Variants in ANK1 observed in about 807,000 individuals in gnomAD.
ANK1 encodes the protein ankyrin 1, also known as ankyrin-1.
Under a neutral mutation model 210.4 loss-of-function variants are expected in ANK1, and 51 were observed. The observed-to-expected ratio is 0.24, with a 90% CI of 0.19 to 0.31. The LOEUF is 0.31. Ranked by LOEUF, ANK1 falls within the 10% of genes least tolerant of loss-of-function variation. ANK1 has a pLI of 1.00. For missense variants in ANK1, 2,051 were observed against 2,504.4 expected (o/e 0.82, Z 3.86); for synonymous variants, 967 against 1,025.9 (o/e 0.94, Z 1.10).
intron 1 of ANK1, among the ~76,000 whole-genome samples, chr8:41,792,441 C>T (rs1847935541): frequency 6.6e-6 from 1 of 152,342 alleles, no homozygotes; most frequent in Non-Finnish European, 1.5e-5. Context: ...CCAAAGCTCA[C>T]GATCTGGGCA....
intron 1 of ANK1, among the ~76,000 whole-genome samples, chr8:41,883,630 T>C (rs963508039): frequency 6.6e-6 from 1 of 152,104 alleles, no homozygotes; most frequent in Non-Finnish European, 1.5e-5. Flanking sequence ...TGGCTAATTT[T>C]TAAATTTTTT....
Position 41,701,008 on chromosome 8 carries a change from A to G in ANK1, c.2461+542T>C, listed in dbSNP as rs959158758. On this transcript the variant is annotated intron_variant, in intron 22 of 42. Transcript: ENST00000289734. ...GGTCTTGAACTCCTAGCCTCAAGCA[A>G]TCCTCCAACCTCGGCTGCCCAAAGT... Among the ~76,000 whole-genome samples the G allele has an allele frequency of 2.6e-5, 4 of 152,182 alleles. No individual in the cohort carries two copies. In the East Asian group the frequency reaches 5.8e-4, roughly 22 times the overall value.
At chr8:41,896,469 C>A (rs1461240916) in exon 1 of ANK1, 2 of 1,602,086 alleles carry the variant, frequency 1.2e-6, no homozygotes, top group Non-Finnish European at 8.5e-7. Context: ...GCTGTTTGGC[C>A]GCTTGAGCCA....
intron 1 of ANK1, among the ~76,000 whole-genome samples, chr8:41,855,186 T>C (rs1159786264): frequency 6.6e-6 from 1 of 152,110 alleles, no homozygotes; most frequent in Non-Finnish European, 1.5e-5. Context: ...GACAGGTAGA[T>C]AGATAGATAG....
At chr8:41,682,792 C>A (rs1816484299) in intron 37 of ANK1, among the ~76,000 whole-genome samples, 1 of 152,218 alleles carries the variant, frequency 6.6e-6, no homozygotes, top group South Asian at 2.1e-4. Flanking sequence ...CAAAAGCGTG[C>A]CCCTCTGACT....
chr8:41,665,094 T>C (rs1050947117), intron 39 of ANK1: 17 of 1,584,136 alleles, frequency 1.1e-5, no homozygotes, highest in Middle Eastern at 1.7e-4. Flanking sequence ...TGCCTCTCAT[T>C]CTCCACTGGG....
At chr8:41,848,724 C>G (rs1292934890) in intron 1 of ANK1, among the ~76,000 whole-genome samples, 1 of 152,244 alleles carries the variant, frequency 6.6e-6, no homozygotes, top group Non-Finnish European at 1.5e-5. Context: ...CAGGTCTGGA[C>G]AGCTGAATTT....
At chr8:41,777,269 C>T (rs1460934387) in intron 1 of ANK1, among the ~76,000 whole-genome samples, 2 of 152,110 alleles carry the variant, frequency 1.3e-5, no homozygotes, top group Non-Finnish European at 2.9e-5. Flanking sequence ...AAAGCCTTGG[C>T]TTCATGTCTT....
intron 1 of ANK1, among the ~76,000 whole-genome samples, chr8:41,806,036 T>TAC (rs1175095733): frequency 3.3e-5 from 5 of 152,258 alleles, no homozygotes; most frequent in Non-Finnish European, 5.9e-5. Flanking sequence ...TCATATCCTT[T>TAC]ACACTTGCAA....
chr8:41,844,890 T>C (rs1313217104), intron 1 of ANK1, among the ~76,000 whole-genome samples: 1 of 152,084 alleles, frequency 6.6e-6, no homozygotes, highest in African/African-American at 2.4e-5. Context: ...GGAAGACAGA[T>C]GAGCAGGAGC....
At position 41,654,914 on chromosome 8, in the gene ANK1, G is replaced by C. The variant is rs1805172784; in HGVS notation, c.*876C>G. On this transcript the variant is annotated 3_prime_UTR_variant, in exon 43 of 43. Transcript: ENST00000289734. Reference sequence around the variant, plus strand: ...GTCCTGGCTCCCTTTGAGTCCTACAGGTAAGCCTGGGGGTCCTCGCCTCAG... The same window carrying C: ...GTCCTGGCTCCCTTTGAGTCCTACACGTAAGCCTGGGGGTCCTCGCCTCAG... 6.6e-6 allele frequency: 1 copy of C among 152,590 alleles called. No individual in the cohort carries two copies. The highest frequency in any genetic ancestry group is 2.1e-4 in the South Asian group (1 of 4,834). The allele number at this position is 152,590 out of a possible 1,614,324, so 9.5% of individuals were successfully genotyped here.
intron 38 of ANK1, 64 bp downstream of exon 38, chr8:41,672,290 G>C (rs1812655866): frequency 3.8e-6 from 6 of 1,566,710 alleles, no homozygotes; most frequent in Non-Finnish European, 5.2e-6. Flanking sequence ...TCACTGCCAG[G>C]CATAATCTTA....
At chr8:41,764,142 A>G (rs915811229) in intron 1 of ANK1, among the ~76,000 whole-genome samples, 1 of 137,556 alleles carries the variant, frequency 7.3e-6, no homozygotes, top group South Asian at 2.6e-4. Flanking sequence ...TAATCAAGCA[A>G]TTGTGTTATA....
intron 2 of ANK1, among the ~76,000 whole-genome samples, chr8:41,741,231 T>A (rs750636636): frequency 5.3e-5 from 8 of 152,116 alleles, no homozygotes; most frequent in Non-Finnish European, 1.2e-4. Context: ...GAGGGAAAGA[T>A]CTGGAGAAGC....
chr8:41,758,135 G>C lies in ANK1; in HGVS notation c.30C>G (p.Ala10=), dbSNP rs763817982. 4.3e-6 allele frequency: 7 copies of C among 1,613,468 alleles called. No homozygotes were observed. The Admixed American group carries it at 8.3e-5, about 19-fold the overall frequency. The change falls in exon 2 of 43, where the codon GCC becomes GCG. Residue 10 remains alanine, a splice_region_variant and synonymous_variant. Coordinates refer to ENST00000289734, the MANE Select transcript of ANK1 (RefSeq NM_000037.4). The stretch of plus-strand genomic sequence containing the variant: ...CTCTCAGAAAGCTGGTAGCAGCATC[G>C]GCCTGTGAGGAAAAACAACAGGCGG... MPYSVGFRE[A]DAATSFLRAA... is the part of the protein sequence containing the mutation.
intron 1 of ANK1, among the ~76,000 whole-genome samples, chr8:41,836,679 T>C (rs894202792): frequency 6.6e-6 from 1 of 152,198 alleles, no homozygotes; most frequent in African/African-American, 2.4e-5. Flanking sequence ...ATTGCTGTGC[T>C]TTAGTAGGCT....
intron 2 of ANK1, among the ~76,000 whole-genome samples, chr8:41,734,895 A>G (rs972287436): frequency 2.0e-5 from 3 of 152,054 alleles, no homozygotes; most frequent in African/African-American, 7.2e-5. Flanking sequence ...TGTCTCAAAA[A>G]TAAAAATAAA....
chr8:41,863,352 C>T (rs1249057292), intron 1 of ANK1, among the ~76,000 whole-genome samples: 2 of 151,802 alleles, frequency 1.3e-5, no homozygotes, highest in African/African-American at 2.4e-5. Context: ...TAGCAAGACT[C>T]CATCTCATTA....
chr8:41,696,598 G>T lies in ANK1; in HGVS notation c.2736-11C>A. Reference sequence around the variant, plus strand: ...AAGCTCACCAGAAACCTAGGAGTGGGGCAGATGCACGTTGGGCTTCTGCAT... The same window carrying T: ...AAGCTCACCAGAAACCTAGGAGTGGTGCAGATGCACGTTGGGCTTCTGCAT... On this transcript the variant is annotated splice_polypyrimidine_tract_variant and intron_variant, in intron 25 of 42. Coordinates refer to ENST00000289734, the MANE Select transcript of ANK1 (RefSeq NM_000037.4). 6.2e-7 allele frequency: 1 copy of T among 1,613,426 alleles called. No individual in the cohort carries two copies.
Sources: allele counts gnomAD v4.1 joint callset (sites outside exome capture counted in the v4.1 genomes callset), GRCh38; gene constraint gnomAD v4.1.1; transcripts MANE v1.5; gene names NCBI Gene and HGNC (gene_info 2026-07-23, HGNC 2026-07-21).